The following DDHD2 variants were observed in gnomAD, a reference collection of about 807,000 sequenced individuals.
DDHD2 encodes the protein triacylglycerol hydrolase DDHD2.
DDHD2 carries 62 observed loss-of-function variants against 91.2 expected under a neutral mutation model. That is an observed-to-expected ratio of 0.68 (90% CI 0.55 to 0.84). The LOEUF is 0.84. Among genes scored for constraint, DDHD2 ranks in the 40% least tolerant of loss-of-function variants. The pLI, the probability that DDHD2 is intolerant of heterozygous loss-of-function variation, is 0.00. For synonymous variants in DDHD2, 271 were observed against 293.9 expected, an observed-to-expected ratio of 0.92 and a Z score of 0.80; for missense variants, 740 against 846.9, an observed-to-expected ratio of 0.87 and a Z score of 1.57.
Position 38,261,673 on chromosome 8 carries a change from CTA to C in DDHD2, c.*1102_*1103del, listed in dbSNP as rs1233515605. On this transcript the variant is annotated 3_prime_UTR_variant, in exon 18 of 18. Coordinates refer to ENST00000397166, the MANE Select transcript of DDHD2 (RefSeq NM_015214.3). Reference sequence around the variant, plus strand: ...TATGTCTGTAGGGTCCAAGAAACAGCTATTCCAGAGTCAGTGTCAGCTGAGTC... The same window carrying C: ...TATGTCTGTAGGGTCCAAGAAACAGCTTCCAGAGTCAGTGTCAGCTGAGTC... 6.6e-6 allele frequency: 1 copy of C among 152,212 alleles called. No homozygotes were observed. The highest frequency in any genetic ancestry group is 1.5e-5 in the Non-Finnish European group (1 of 68,038). 9.4% of individuals were successfully genotyped at this position (152,212 alleles called of 1,614,324 possible).
chr8:38,237,776 A>G lies in DDHD2; in HGVS notation c.501+149A>G, dbSNP rs546424524. 2.4e-5 allele frequency: 14 copies of G among 572,810 alleles called. No homozygotes were observed. The South Asian group carries it at 3.5e-4, about 14-fold the overall frequency. The allele number at this position is 572,810 out of a possible 1,614,324, so 35.5% of individuals were successfully genotyped here. A position where few individuals can be genotyped will look rare whatever the true frequency, so the allele number is the denominator to read the frequency against. Reference sequence around the variant, plus strand: ...ACAGTTATGAAACTTAAAAACTTGTAGCCACTACTGTTATTTACCCAACTC... The same window carrying G: ...ACAGTTATGAAACTTAAAAACTTGTGGCCACTACTGTTATTTACCCAACTC... On this transcript the variant is annotated intron_variant, in intron 4 of 17. Coordinates refer to ENST00000397166, the MANE Select transcript of DDHD2 (RefSeq NM_015214.3).
downstream of DDHD2, chr8:38,265,205 G>A (rs1280734826): frequency 2.1e-5 from 8 of 373,060 alleles, no homozygotes; most frequent in South Asian, 3.8e-5. Flanking sequence ...GGTGGAGGTT[G>A]CAGTGAGCCG....
At position 38,253,587 on chromosome 8, in the gene DDHD2, T is replaced by G. The variant is rs958442410; in HGVS notation, c.1923T>G (p.Val641=). 1.2e-5 allele frequency: 20 copies of G among 1,614,020 alleles called. No homozygotes were observed. Among genetic ancestry groups the G allele is most frequent in the East Asian group, 6.7e-5 (3 of 44,890 alleles). ...DVNTEETSVA[V]KEEVLPINVG... is the part of the protein sequence containing the mutation. ...ACACAGAAGAGACCTCTGTGGCAGT[T>G]AAAGAAGAAGTCCTGCCTATCAATG... The change falls in exon 16 of 18, where the codon GTT becomes GTG. Residue 641 remains valine, a synonymous_variant. Transcript: ENST00000397166.
At chr8:38,273,376 T>G (rs1033775598), downstream of DDHD2, 1 of 152,154 alleles carries the variant, frequency 6.6e-6, no homozygotes, top group African/African-American at 2.4e-5. Context: ...TCAGCAGAGC[T>G]CTGTTACAGA....
chr8:38,269,986 A>G (rs1808384769), intron 1 of DDHD2: 1 of 152,234 alleles, frequency 6.6e-6, no homozygotes, highest in Admixed American at 6.5e-5. Flanking sequence ...CAGGTTAACC[A>G]AGCTTTACAC....
chr8:38,260,124 A>C lies in DDHD2; in HGVS notation c.*3A>C, dbSNP rs1231471307. ...TCCTTGATCAGCCTTTACAGTAAAA[A>C]TGACCCATCTATGGCTGCTTAATGT... On this transcript the variant is annotated 3_prime_UTR_variant, in exon 17 of 18. Coordinates refer to ENST00000397166, the MANE Select transcript of DDHD2 (RefSeq NM_015214.3). 5.6e-6 allele frequency: 9 copies of C among 1,604,688 alleles called. No individual in the cohort carries two copies. Among genetic ancestry groups the C allele is most frequent in the Admixed American group, 1.7e-5 (1 of 59,992 alleles).
intron 10 of DDHD2, among the ~76,000 whole-genome samples, chr8:38,248,638 G>C (rs186473030): frequency 2.6e-5 from 4 of 152,112 alleles, no homozygotes; most frequent in South Asian, 2.1e-4. Flanking sequence ...GTGCAGGAAG[G>C]CTTCCCTAAT....
chr8:38,270,132 A>G (rs1039182274), intron 1 of DDHD2: 1 of 152,254 alleles, frequency 6.6e-6, no homozygotes, highest in African/African-American at 2.4e-5. Context: ...AATTAACACT[A>G]ATCCCTTAGT....
At chr8:38,255,152 G>A (rs916595878) in intron 16 of DDHD2, among the ~76,000 whole-genome samples, 12 of 142,434 alleles carry the variant, frequency 8.4e-5, no homozygotes, top group Non-Finnish European at 1.4e-4. Flanking sequence ...CGAGATCACG[G>A]CCACCGCAGT....
At chr8:38,271,405 C>G (rs138192992), downstream of DDHD2, 7 of 152,090 alleles carry the variant, frequency 4.6e-5, no homozygotes, top group African/African-American at 9.7e-5. Flanking sequence ...TTATCCCCCC[C>G]CTTACCCTTT....
intron 16 of DDHD2, among the ~76,000 whole-genome samples, chr8:38,258,477 GC>G (rs1284360724): frequency 5.9e-5 from 9 of 152,096 alleles, no homozygotes; most frequent in African/African-American, 2.2e-4. Flanking sequence ...GGTCTCGAAC[GC>G]CTGACCTCAG....
chr8:38,264,068 G>A, downstream of DDHD2: 1 of 989,930 alleles, frequency 1.0e-6, no homozygotes, highest in Non-Finnish European at 1.2e-6. Flanking sequence ...CCTTGGAAGG[G>A]GAAAAAAAGG....
rs1173130485 is a variant in DDHD2 at position 38,246,227 on chromosome 8, T to A, written c.1058-6T>A. On this transcript the variant is annotated splice_region_variant and splice_polypyrimidine_tract_variant and intron_variant, in intron 8 of 17. Transcript: ENST00000397166. ...GAAATTGTCCCTTCTTCTATTTTAC[T>A]TATAGGTTCGCTTATATTGTTTGAT... is the stretch of plus-strand genomic sequence containing the variant. 1 of 1,593,090 alleles carries A rather than the reference T, an allele frequency of 6.3e-7. No individual in the cohort carries two copies. Among genetic ancestry groups the A allele is most frequent in the Non-Finnish European group, 8.6e-7 (1 of 1,162,160 alleles).
intron 16 of DDHD2, among the ~76,000 whole-genome samples, chr8:38,254,493 C>G (rs1037871141): frequency 3.3e-5 from 5 of 151,962 alleles, no homozygotes; most frequent in African/African-American, 9.6e-5. Flanking sequence ...TGATCCTCCC[C>G]CCTCAGTCTC....
At chr8:38,258,878 A>G (rs1806742494) in intron 16 of DDHD2, among the ~76,000 whole-genome samples, 2 of 152,242 alleles carry the variant, frequency 1.3e-5, no homozygotes, top group Non-Finnish European at 2.9e-5. Flanking sequence ...TCCTTAAGGC[A>G]GTCCCTCATG....
downstream of DDHD2, chr8:38,266,968 A>C (rs562993628): frequency 9.1e-7 from 1 of 1,101,152 alleles, no homozygotes; most frequent in Non-Finnish European, 1.2e-6. Flanking sequence ...AAAGTACCTG[A>C]CACATAGAAA....
At chr8:38,236,499 C>T (rs1585701661) in intron 3 of DDHD2, among the ~76,000 whole-genome samples, 2 of 151,706 alleles carry the variant, frequency 1.3e-5, no homozygotes, top group Admixed American at 1.3e-4. Context: ...GGATTACAAG[C>T]GTGCCTCACC....
chr8:38,245,417 G>A, intron 7 of DDHD2, among the ~76,000 whole-genome samples: 1 of 150,490 alleles, frequency 6.6e-6, no homozygotes, highest in East Asian at 1.9e-4. Context: ...GGGCAATAGA[G>A]CGAGAGTCTG....
At chr8:38,257,249 T>G (rs1806585767) in intron 16 of DDHD2, among the ~76,000 whole-genome samples, 2 of 136,626 alleles carry the variant, frequency 1.5e-5, no homozygotes, top group Admixed American at 7.4e-5. Flanking sequence ...TTTTTTTTTT[T>G]TTTTTTTTTT....
Sources: allele counts gnomAD v4.1 joint callset (sites outside exome capture counted in the v4.1 genomes callset), GRCh38; gene constraint gnomAD v4.1.1; transcripts MANE v1.5; gene names NCBI Gene and HGNC (gene_info 2026-07-23, HGNC 2026-07-21).